Variants in DOCK4 observed in about 807,000 individuals in gnomAD.
The protein encoded by DOCK4 is dedicator of cytokinesis protein 4.
A neutral mutation model predicts 268.1 loss-of-function variants in DOCK4; 97 were observed. The ratio of observed to expected loss-of-function variants is 0.36; its 90% CI spans 0.31 to 0.43. The LOEUF is 0.43. DOCK4 is among the 20% of genes least tolerant of loss of function. The probability of loss-of-function intolerance (pLI) is 1.00; values close to 1 mark genes in which losing one functional copy is unlikely to be tolerated. For missense variants in DOCK4, 2,145 were observed against 2,455.7 expected (o/e 0.87, Z 2.67); for synonymous variants, 954 against 887.2 (o/e 1.08, Z -1.34).
chr7:111,752,682 G>A (rs907567657), intron 42 of DOCK4, among the ~76,000 whole-genome samples: 4 of 147,940 alleles, frequency 2.7e-5, no homozygotes, highest in African/African-American at 1.0e-4. Context: ...TGCCTCCCCG[G>A]TTCAAGCGAT....
At chr7:111,973,156 C>CGCATATATATATATATATATATAT (rs990863473) in intron 8 of DOCK4, among the ~76,000 whole-genome samples, 24 of 114,046 alleles carry the variant, frequency 2.1e-4, no homozygotes, top group African/African-American at 8.3e-4. Flanking sequence ...TATTCCATGG[C>CGCATATATATATATATATATATAT]ATATATATAT....
rs915269929 is a variant in DOCK4 at position 111,728,244 on chromosome 7, G to T, written c.*30C>A. ...ACTTCTTATTTTGTAAACGGGCAAA[G>T]AATGCATCGCAGGTACATAGAAAAG... On this transcript the variant is annotated 3_prime_UTR_variant, in exon 53 of 53. Transcript: ENST00000428084. 1.4e-6 allele frequency: 2 copies of T among 1,432,656 alleles called. No homozygotes were observed. Among genetic ancestry groups the T allele is most frequent in the Admixed American group, 2.6e-5 (1 of 38,622 alleles). The allele number at this position is 1,432,656 out of a possible 1,614,324, so 88.7% of individuals were successfully genotyped here. A position where few individuals can be genotyped will look rare whatever the true frequency, so the allele number is the denominator to read the frequency against.
intron 27 of DOCK4, among the ~76,000 whole-genome samples, chr7:111,814,369 T>G (rs1801385303): frequency 6.6e-6 from 1 of 152,146 alleles, no homozygotes; most frequent in Admixed American, 6.6e-5. Context: ...TAAAATACAA[T>G]GCTGGGTCAC....
intron 13 of DOCK4, among the ~76,000 whole-genome samples, chr7:111,903,966 G>C (rs1376648682): frequency 6.6e-6 from 1 of 152,194 alleles, no homozygotes; most frequent in Admixed American, 6.5e-5. Flanking sequence ...CTTATAATGA[G>C]TAATTAGCTT....
intron 1 of DOCK4, among the ~76,000 whole-genome samples, chr7:112,134,927 G>A (rs998366508): frequency 6.6e-6 from 1 of 151,868 alleles, no homozygotes; most frequent in East Asian, 1.9e-4. Context: ...ATTTACTTCA[G>A]TAATTTCCTT....
chr7:111,751,769 T>A (rs34488632), intron 42 of DOCK4, among the ~76,000 whole-genome samples: 65 of 151,148 alleles, frequency 4.3e-4, no homozygotes, highest in African/African-American at 8.1e-4. Flanking sequence ...TTTTTTTTTT[T>A]AAAAAAGAGG....
chr7:111,974,933 C>T (rs939252452), intron 8 of DOCK4, among the ~76,000 whole-genome samples: 6 of 152,182 alleles, frequency 3.9e-5, no homozygotes, highest in South Asian at 2.1e-4. Flanking sequence ...TATGATAATG[C>T]GAAGTGGCAA....
chr7:112,077,957 T>C (rs6959338), intron 1 of DOCK4, among the ~76,000 whole-genome samples: 78,765 of 151,892 alleles, frequency 0.52, 22,684 homozygotes, highest in African/African-American at 0.79. Flanking sequence ...CTTTGTGTTT[T>C]GTATTTATTA....
chr7:111,891,538 A>C (rs1000588215), intron 16 of DOCK4, among the ~76,000 whole-genome samples: 1 of 152,192 alleles, frequency 6.6e-6, no homozygotes, highest in Non-Finnish European at 1.5e-5. Flanking sequence ...ATTTTAAGCA[A>C]TCTGCAGTGA....
intron 8 of DOCK4, among the ~76,000 whole-genome samples, chr7:111,956,555 G>C (rs910140204): frequency 2.6e-5 from 4 of 152,174 alleles, no homozygotes; most frequent in Admixed American, 1.3e-4. Context: ...CTCCTAAGCA[G>C]AGAGCTACAG....
intron 1 of DOCK4, among the ~76,000 whole-genome samples, chr7:112,153,339 A>G (rs1816280169): frequency 6.6e-6 from 1 of 152,170 alleles, no homozygotes; most frequent in South Asian, 2.1e-4. Context: ...CTAAAATCAC[A>G]GTGTTTTTAA....
chr7:111,868,650 C>T (rs1005031952), intron 21 of DOCK4, among the ~76,000 whole-genome samples: 1 of 151,402 alleles, frequency 6.6e-6, no homozygotes, highest in African/African-American at 2.4e-5. Flanking sequence ...GCGGAGGTTG[C>T]AGTGAGCAGA....
chr7:111,904,904 C>A (rs1791434049), intron 13 of DOCK4, among the ~76,000 whole-genome samples: 1 of 152,158 alleles, frequency 6.6e-6, no homozygotes, highest in Non-Finnish European at 1.5e-5. Flanking sequence ...CAAAATCAAA[C>A]CCCTCATACG....
At chr7:111,835,022 T>C (rs1308603455) in intron 25 of DOCK4, among the ~76,000 whole-genome samples, 1 of 152,168 alleles carries the variant, frequency 6.6e-6, no homozygotes, top group African/African-American at 2.4e-5. Context: ...TACTGAGCAT[T>C]TAACATGTCT....
chr7:111,830,061 A>G (rs60896585), intron 26 of DOCK4, among the ~76,000 whole-genome samples: 1,586 of 152,322 alleles, frequency 0.01, 31 homozygotes, highest in African/African-American at 0.036. Context: ...ATATTACAAT[A>G]TAGGTTCAGG....
In DOCK4 at chr7:111,871,979, C is replaced by G; in HGVS notation, c.2027+11G>C. The G allele has an allele frequency of 6.5e-7, 1 of 1,535,748 alleles. No homozygotes were observed. Among genetic ancestry groups the G allele is most frequent in the Admixed American group, 2.1e-5 (1 of 47,804 alleles). On this transcript the variant is annotated intron_variant, in intron 20 of 52. Coordinates refer to ENST00000428084, the MANE Select transcript of DOCK4 (RefSeq NM_001363540.2). ...CCACTTCTAAACTAATTACAAGATA[C>G]AGGGCCTTACCTGTATGCAAGTGCC...
intron 1 of DOCK4, among the ~76,000 whole-genome samples, chr7:112,185,392 G>A (rs192769165): frequency 3.3e-5 from 5 of 152,246 alleles, no homozygotes; most frequent in Non-Finnish European, 7.4e-5. Flanking sequence ...TGTCTTAACT[G>A]TCTCATCATG....
chr7:111,760,154 G>A (rs1797286333), intron 40 of DOCK4, 27 bp downstream of exon 40: 4 of 1,609,928 alleles, frequency 2.5e-6, no homozygotes, highest in Admixed American at 1.7e-5. Flanking sequence ...CAATCTCACT[G>A]AGTCCAGCCC....
At chr7:111,805,246 G>A (rs1175675569) in intron 30 of DOCK4, among the ~76,000 whole-genome samples, 1 of 152,158 alleles carries the variant, frequency 6.6e-6, no homozygotes, top group Non-Finnish European at 1.5e-5. Context: ...ACATAAAAAT[G>A]GGTGCTCATG....
Sources: gnomAD v4.1 joint callset for allele counts (sites outside exome capture counted in the v4.1 genomes callset) on GRCh38, gnomAD v4.1.1 for gene constraint, MANE v1.5 for transcripts, NCBI Gene and HGNC (gene_info 2026-07-23, HGNC 2026-07-21) for gene names.